The following POFUT2 variants were observed in gnomAD, a reference collection of about 807,000 sequenced individuals.
The protein encoded by POFUT2 is GDP-fucose protein O-fucosyltransferase 2.
Under a neutral mutation model 55.0 loss-of-function variants are expected in POFUT2, and 30 were observed. That is an observed-to-expected ratio of 0.55 (90% confidence interval 0.41 to 0.74). POFUT2 has a LOEUF of 0.74. Ranked by LOEUF, POFUT2 falls within the 30% of genes least tolerant of loss-of-function variation. The pLI is 0.00. For missense variants in POFUT2, 524 were observed against 562.6 expected, an observed-to-expected ratio of 0.93 and a Z score of 0.69; for synonymous variants, 267 against 231.1, an observed-to-expected ratio of 1.16 and a Z score of -1.41.
At chr21:45,273,665 C>T (rs1344452840) in intron 6 of POFUT2, among the ~76,000 whole-genome samples, 1 of 152,110 alleles carries the variant, frequency 6.6e-6, no homozygotes, top group Non-Finnish European at 1.5e-5. Context: ...TTAACATATC[C>T]AAGTCAACAA....
rs552164323 is a variant in POFUT2, at chr21:45,267,352, C to T, written c.1136+238G>A. ...TCTGAGACGAGGCCAGCTATGCCAACAGCCTGCTATGGAGGAATTCTGTGC... is the reference window on the plus strand; with the variant it reads ...TCTGAGACGAGGCCAGCTATGCCAATAGCCTGCTATGGAGGAATTCTGTGC... On this transcript the variant is annotated intron_variant, in intron 8 of 8. Coordinates refer to ENST00000349485, the MANE Select transcript of POFUT2 (RefSeq NM_133635.6). The surrounding 1 kb of genome is among the most constrained non-coding windows in gnomAD (Gnocchi z 4.4). 1.3e-6 allele frequency: 2 copies of T among 1,545,050 alleles called. No homozygotes were observed. Among genetic ancestry groups the T allele is most frequent in the African/African-American group, 1.4e-5 (1 of 73,102 alleles).
chr21:45,283,619 C>T (rs1414098586), intron 2 of POFUT2, 92 bp from the exon 3 acceptor site: 7 of 1,271,634 alleles, frequency 5.5e-6, no homozygotes, highest in Admixed American at 1.8e-5. Flanking sequence ...ACTCTTACTA[C>T]TGTACACCAC....
intron 6 of POFUT2, 87 bp downstream of exon 6, chr21:45,276,930 C>G: frequency 6.9e-7 from 1 of 1,448,418 alleles, no homozygotes; most frequent in Non-Finnish European, 9.5e-7. Flanking sequence ...GCCAACCCTG[C>G]TGTGACTTTA....
rs547623343 is a variant in POFUT2 at position 45,268,562 on chromosome 21, A to C, written c.1013-849T>G. ...GGAGCACCTCTTTCCGGCCGCCATCACATCTAGGAAGTGAGGAGCGTCTCT... is the reference window on the plus strand; with the variant it reads ...GGAGCACCTCTTTCCGGCCGCCATCCCATCTAGGAAGTGAGGAGCGTCTCT... On this transcript the variant is annotated intron_variant, in intron 7 of 8. Coordinates refer to ENST00000349485, the MANE Select transcript of POFUT2 (RefSeq NM_133635.6). 1.3e-4 allele frequency among the ~76,000 whole-genome samples: 19 copies of C among 143,652 alleles called. No homozygotes were observed. The South Asian group carries it at 2.2e-3, about 17-fold the overall frequency. 94.2% of individuals were successfully genotyped at this position (143,652 alleles called of 152,430 possible). A position where few individuals can be genotyped will look rare whatever the true frequency, so the allele number is the denominator to read the frequency against.
intron 1 of POFUT2, among the ~76,000 whole-genome samples, chr21:45,287,207 C>T (rs1750010094): frequency 7.3e-6 from 1 of 137,124 alleles, no homozygotes; most frequent in African/African-American, 2.7e-5. Context: ...GCCCCTGCCC[C>T]TGCCCCTGCC....
Position 45,282,351 on chromosome 21 carries a change from G to A in POFUT2, c.636C>T (p.Ala212=), listed in dbSNP as rs773162714. 10 of 1,603,744 alleles carry A rather than the reference G, an allele frequency of 6.2e-6. No individual in the cohort carries two copies. The South Asian group carries it at 9.9e-5, about 16-fold the overall frequency. The change falls in exon 4 of 9, where the codon GCC becomes GCT. Residue 212 remains alanine (A), a splice_region_variant and synonymous_variant. Coordinates refer to ENST00000349485, the MANE Select transcript of POFUT2 (RefSeq NM_133635.6). This position sits in a 1 kb window ranked among gnomAD's most constrained non-coding sequence, Gnocchi z 4.6. ...CCCGGGGGGCCTGGGGCACTCACCGGGCTGATGTGTTTCTCAGCAGCAGGG... is the reference window on the plus strand; with the variant it reads ...CCCGGGGGGCCTGGGGCACTCACCGAGCTGATGTGTTTCTCAGCAGCAGGG... The part of the protein sequence containing the change: ...VAPLLLRNTS[A]RSVMLDRAEN...
intron 6 of POFUT2, among the ~76,000 whole-genome samples, chr21:45,272,554 G>A (rs889266391): frequency 6.6e-6 from 1 of 152,066 alleles, no homozygotes; most frequent in South Asian, 2.1e-4. Flanking sequence ...GGAACAAGTG[G>A]ACTAAAATAT....
At chr21:45,286,789 A>G (rs1336083923) in intron 1 of POFUT2, among the ~76,000 whole-genome samples, 1 of 151,956 alleles carries the variant, frequency 6.6e-6, no homozygotes, top group East Asian at 1.9e-4. Context: ...TCGCGAGTGA[A>G]GCTGCGTGCA....
Position 45,270,204 on chromosome 21 carries a change from A to G in POFUT2, c.832-185T>C. ...GGGGCGACCAGATGTCTTTCTAAGA[A>G]GACAGTGAAGCAGTATTAATTACCA... On this transcript the variant is annotated intron_variant, in intron 6 of 8. Coordinates refer to ENST00000349485, the MANE Select transcript of POFUT2 (RefSeq NM_133635.6). The surrounding 1 kb of genome is among the most constrained non-coding windows in gnomAD (Gnocchi z 4.6). 2.4e-6 allele frequency: 1 copy of G among 422,172 alleles called. No individual in the cohort carries two copies. Among genetic ancestry groups the G allele is most frequent in the African/African-American group, 2.0e-5 (1 of 48,840 alleles). The allele number at this position is 422,172 out of a possible 1,614,324, so 26.2% of individuals were successfully genotyped here.
At position 45,283,379 on chromosome 21, in the gene POFUT2, G is replaced by A. The variant is rs373580996; in HGVS notation, c.527+4C>T. ...GCGGCAGGGGGAGCAGCCTCAGCAG[G>A]CACCTGTAGTACTCGTGCTTGTCCT... is the stretch of plus-strand genomic sequence containing the variant. On this transcript the variant is annotated splice_donor_region_variant and intron_variant, in intron 3 of 8. Coordinates refer to ENST00000349485, the MANE Select transcript of POFUT2 (RefSeq NM_133635.6). 115 of 1,602,520 alleles carry A rather than the reference G, an allele frequency of 7.2e-5. No homozygotes were observed. The highest frequency in any genetic ancestry group is 8.0e-5 in the Non-Finnish European group (94 of 1,176,926).
Position 45,282,255 on chromosome 21 carries a change from G to T in POFUT2, c.638+94C>A. 1.2e-6 allele frequency: 1 copy of T among 827,564 alleles called. No individual in the cohort carries two copies. The highest frequency in any genetic ancestry group is 2.0e-6 in the Non-Finnish European group (1 of 496,910). The allele number at this position is 827,564 out of a possible 1,614,324, so 51.3% of individuals were successfully genotyped here. ...CTGTCTGTGAGGTGGGTGGGCCAGGGATGCGGGAGTATGGGCGGAGAGCCC... is the reference window on the plus strand; with the variant it reads ...CTGTCTGTGAGGTGGGTGGGCCAGGTATGCGGGAGTATGGGCGGAGAGCCC... On this transcript the variant is annotated intron_variant, in intron 4 of 8. Coordinates refer to ENST00000349485, the MANE Select transcript of POFUT2 (RefSeq NM_133635.6). The surrounding 1 kb of genome is among the most constrained non-coding windows in gnomAD (Gnocchi z 4.6).
Position 45,282,402 on chromosome 21 carries a change from G to A in POFUT2, c.585C>T (p.Val195=), listed in dbSNP as rs1569231519. 1 of 1,613,700 alleles carries A rather than the reference G, an allele frequency of 6.2e-7. No individual in the cohort carries two copies. The change falls in exon 4 of 9, where the codon GTC becomes GTT. Residue 195 remains valine, a synonymous_variant. Coordinates refer to ENST00000349485, the MANE Select transcript of POFUT2 (RefSeq NM_133635.6). This position sits in a 1 kb window ranked among gnomAD's most constrained non-coding sequence, Gnocchi z 4.6. ...GCGCCACGATGGAGGCTGAGCCCTG[G>A]ACGGACAGACAGGAGACGTTTAGAC... ...TRGLNVSCLS[V]QGSASIVAPL...
At chr21:45,273,140 A>G (rs79293787) in intron 6 of POFUT2, among the ~76,000 whole-genome samples, 7,838 of 152,292 alleles carry the variant, frequency 0.051, 244 homozygotes, top group South Asian at 0.11. Context: ...TTGATAGACC[A>G]TTAGTGAGAT....
chr21:45,284,114 G>A lies in POFUT2; in HGVS notation c.383-587C>T, dbSNP rs767643249. 1.3e-5 allele frequency among the ~76,000 whole-genome samples: 2 copies of A among 151,688 alleles called. No homozygotes were observed. Among genetic ancestry groups the A allele is most frequent in the South Asian group, 2.1e-4 (1 of 4,826 alleles). ...TGCTCAAAGGCAGCAGGAATAAAGC[G>A]GGAGGGAGCACCGCGCAGGTGAAGT... On this transcript the variant is annotated intron_variant, in intron 2 of 8. Transcript: ENST00000349485. The surrounding 1 kb of genome is among the most constrained non-coding windows in gnomAD (Gnocchi z 5.8).
chr21:45,266,360 C>A (rs2093154375), intron 8 of POFUT2: 1 of 1,299,748 alleles, frequency 7.7e-7, no homozygotes. Flanking sequence ...GGTGGGGAGA[C>A]CCTCACCACC....
At position 45,267,120 on chromosome 21, in the gene POFUT2, C is replaced by T; in HGVS notation, c.1136+470G>A. ...CCACAAGAACGATCACACGAGGGCCCATGCTCCCAGCCTTGGGGACGCTCA... is the reference window on the plus strand; with the variant it reads ...CCACAAGAACGATCACACGAGGGCCTATGCTCCCAGCCTTGGGGACGCTCA... On this transcript the variant is annotated intron_variant, in intron 8 of 8. Transcript: ENST00000349485. The surrounding 1 kb of genome is among the most constrained non-coding windows in gnomAD (Gnocchi z 4.4). 2 of 1,209,164 alleles carry T rather than the reference C, an allele frequency of 1.7e-6. No individual in the cohort carries two copies. Among genetic ancestry groups the T allele is most frequent in the Non-Finnish European group, 2.1e-6 (2 of 962,690 alleles). 74.9% of individuals were successfully genotyped at this position (1,209,164 alleles called of 1,614,324 possible).
chr21:45,270,457 A>G lies in POFUT2; in HGVS notation c.832-438T>C, dbSNP rs1260900798. 6.6e-6 allele frequency among the ~76,000 whole-genome samples: 1 copy of G among 152,254 alleles called. No homozygotes were observed. The highest frequency in any genetic ancestry group is 1.5e-5 in the Non-Finnish European group (1 of 68,044). ...CTGGAGGCCACCAACGCAAATGGCT[A>G]CAGCAAATTCTAACCAACAACCCTG... On this transcript the variant is annotated intron_variant, in intron 6 of 8. Coordinates refer to ENST00000349485, the MANE Select transcript of POFUT2 (RefSeq NM_133635.6). The surrounding 1 kb of genome is among the most constrained non-coding windows in gnomAD (Gnocchi z 4.6).
rs1424480912 is a variant in POFUT2 at position 45,270,562 on chromosome 21, T to C, written c.832-543A>G. 6.6e-6 allele frequency among the ~76,000 whole-genome samples: 1 copy of C among 152,218 alleles called. No individual in the cohort carries two copies. Among genetic ancestry groups the C allele is most frequent in the Admixed American group, 6.5e-5 (1 of 15,282 alleles). On this transcript the variant is annotated intron_variant, in intron 6 of 8. Coordinates refer to ENST00000349485, the MANE Select transcript of POFUT2 (RefSeq NM_133635.6). This position sits in a 1 kb window ranked among gnomAD's most constrained non-coding sequence, Gnocchi z 4.6. ...TCCACAGGTCCCGAGTCTGTCCACGTGACAACTTCACTGCAGCATAACCAG... is the reference window on the plus strand; with the variant it reads ...TCCACAGGTCCCGAGTCTGTCCACGCGACAACTTCACTGCAGCATAACCAG...
chr21:45,277,138 C>T lies in POFUT2; in HGVS notation c.710G>A (p.Arg237His), dbSNP rs765820469. The change falls in exon 6 of 9, where the codon CGT (arginine) becomes CAT (histidine). Residue 237 changes from arginine (R) to histidine (H), a missense_variant. Transcript: ENST00000349485. This position sits in a 1 kb window ranked among gnomAD's most constrained non-coding sequence, Gnocchi z 6.9. ...HYGGKEYWDT[R>H]RSMVFARHLR... ...GTGCCTGGCAAACACCATGCTGCGA[C>T]GGGTCTGTGGAAACGGCGACGGCTC... 49 of 1,613,168 alleles carry T rather than the reference C, an allele frequency of 3.0e-5. No homozygotes were observed. Among genetic ancestry groups the T allele is most frequent in the Non-Finnish European group, 3.8e-5 (45 of 1,179,892 alleles).
Sources: allele counts gnomAD v4.1 joint callset (sites outside exome capture counted in the v4.1 genomes callset), GRCh38; gene constraint gnomAD v4.1.1; non-coding constraint Gnocchi (gnomAD v3.1); transcripts MANE v1.5; gene names NCBI Gene and HGNC (gene_info 2026-07-23, HGNC 2026-07-21).